WFDC9: variants seen among roughly 807,000 people sequenced by gnomAD.
The protein encoded by WFDC9 is WAP four-disulfide core domain 9.
WFDC9 carries 9 observed loss-of-function variants against 9.5 expected under a neutral mutation model. The observed-to-expected ratio is 0.95, with a 90% confidence interval of 0.57 to 1.65. The LOEUF (loss-of-function observed/expected upper bound fraction) is 1.65. Among genes scored for constraint, WFDC9 ranks in the 40% most tolerant of loss-of-function variants. The pLI, the probability that WFDC9 is intolerant of heterozygous loss-of-function variation, is 0.00. For missense variants in WFDC9, 87 were observed against 106.7 expected (o/e 0.82, Z 0.81); for synonymous variants, 33 against 32.3 (o/e 1.02, Z -0.07).
In WFDC9 at chr20:45,608,573, G is replaced by A. The variant is rs945462360; in HGVS notation, c.239+90C>T. 6.1e-6 allele frequency: 9 copies of A among 1,474,304 alleles called. No individual in the cohort carries two copies. The Admixed American group carries it at 2.0e-4, about 32-fold the overall frequency. The allele number at this position is 1,474,304 out of a possible 1,614,324, so 91.3% of individuals were successfully genotyped here. ...TTTTGCTGCCTATTTCTTTAACCAG[G>A]ATTTGGGTGGCTGCGGTCTTTTGAA... On this transcript the variant is annotated intron_variant, in intron 4 of 4. Transcript: ENST00000326000.
chr20:45,622,836 A>G (rs1403209134), intron 1 of WFDC9, among the ~76,000 whole-genome samples: 2 of 152,212 alleles, frequency 1.3e-5, no homozygotes, highest in Non-Finnish European at 2.9e-5. Context: ...GTGCAGAAAC[A>G]TTTCATGTAA....
chr20:45,630,595 T>C (rs1982339399), intron 1 of WFDC9, among the ~76,000 whole-genome samples: 1 of 152,054 alleles, frequency 6.6e-6, no homozygotes, highest in African/African-American at 2.4e-5. Context: ...CCATGACTAG[T>C]AAGGGAGATG....
chr20:45,610,287 G>A lies in WFDC9; in HGVS notation c.-58-48C>T, dbSNP rs535995186. On this transcript the variant is annotated intron_variant, in intron 2 of 4. Coordinates refer to ENST00000326000, the MANE Select transcript of WFDC9 (RefSeq NM_147198.4). ...TGAGGAGAACAGGGTAAGCAACAGG[G>A]GTAAAGTGCTTATGACTATCATGTT... 4.6e-5 allele frequency: 42 copies of A among 910,904 alleles called. 1 individual carries two copies. The South Asian group carries it at 5.1e-4, about 11-fold the overall frequency. 56.4% of individuals were successfully genotyped at this position (910,904 alleles called of 1,614,324 possible).
At chr20:45,623,708 T>C (rs1280204359) in intron 1 of WFDC9, among the ~76,000 whole-genome samples, 1 of 152,222 alleles carries the variant, frequency 6.6e-6, no homozygotes, top group Non-Finnish European at 1.5e-5. Flanking sequence ...ATATGTATAA[T>C]GTATAGTGAT....
At chr20:45,629,829 C>G (rs758356535) in intron 1 of WFDC9, 1 of 1,613,930 alleles carries the variant, frequency 6.2e-7, no homozygotes. Flanking sequence ...ACCCCAGACT[C>G]TGCTGCCTGT....
At chr20:45,625,776 G>A (rs1021376607) in intron 1 of WFDC9, among the ~76,000 whole-genome samples, 4 of 135,220 alleles carry the variant, frequency 3.0e-5, no homozygotes, top group Non-Finnish European at 6.3e-5. Context: ...GTTGGCTATC[G>A]ACGCATGGAT....
At chr20:45,615,309 A>T (rs140038554) in intron 1 of WFDC9, among the ~76,000 whole-genome samples, 76 of 152,308 alleles carry the variant, frequency 5.0e-4, no homozygotes, top group African/African-American at 1.8e-3. Flanking sequence ...GAAGGGCATT[A>T]TATTGGGCAC....
intron 1 of WFDC9, among the ~76,000 whole-genome samples, chr20:45,622,611 CAGTT>C (rs946827368): frequency 9.2e-5 from 14 of 152,226 alleles, no homozygotes; most frequent in Admixed American, 9.2e-4. Flanking sequence ...ATTTGAGAGT[CAGTT>C]ACTTAATGGT....
chr20:45,610,388 T>C, intron 2 of WFDC9, 149 bp from the exon 3 acceptor site: 1 of 461,882 alleles, frequency 2.2e-6, no homozygotes, highest in Non-Finnish European at 3.8e-6. Flanking sequence ...AGGTTTCTTC[T>C]CATCTCATAT....
chr20:45,631,191 C>A lies in WFDC9; in HGVS notation c.-153+12G>T. On this transcript the variant is annotated intron_variant, in intron 1 of 4. Coordinates refer to ENST00000326000, the MANE Select transcript of WFDC9 (RefSeq NM_147198.4). ...TGTCAAATAAACCAGAACAAATGCC[C>A]AGGGATCCTACCTCTTTTGCTGCCA... 2 of 637,536 alleles carry A rather than the reference C, an allele frequency of 3.1e-6. No individual in the cohort carries two copies. The highest frequency in any genetic ancestry group is 4.7e-6 in the Non-Finnish European group (2 of 429,882). The allele number at this position is 637,536 out of a possible 1,614,324, so 39.5% of individuals were successfully genotyped here.
At chr20:45,609,988 A>C (rs1981824263) in intron 3 of WFDC9, 103 bp downstream of exon 3, 2 of 856,782 alleles carry the variant, frequency 2.3e-6, no homozygotes, top group East Asian at 5.1e-5. Context: ...CTACTTAAGG[A>C]GAGATCCTTT....
At chr20:45,617,486 A>G (rs1981997975) in intron 1 of WFDC9, among the ~76,000 whole-genome samples, 1 of 152,064 alleles carries the variant, frequency 6.6e-6, no homozygotes, top group Non-Finnish European at 1.5e-5. Context: ...TCCATGTATA[A>G]CTTTTGACTT....
At chr20:45,616,030 G>A (rs78920039) in intron 1 of WFDC9, among the ~76,000 whole-genome samples, 276 of 135,556 alleles carry the variant, frequency 2.0e-3, no homozygotes, top group South Asian at 2.8e-3. Context: ...GGTTGGGGTA[G>A]CTGTGGCAAT....
chr20:45,624,538 A>G (rs1982174661), intron 1 of WFDC9, among the ~76,000 whole-genome samples: 1 of 152,168 alleles, frequency 6.6e-6, no homozygotes, highest in Non-Finnish European at 1.5e-5. Context: ...GGGGGTACAT[A>G]TGTTGATATG....
intron 4 of WFDC9, among the ~76,000 whole-genome samples, 180 bp from the exon 5 acceptor site, chr20:45,608,320 G>C (rs1277475596): frequency 2.0e-5 from 3 of 152,136 alleles, no homozygotes; most frequent in Admixed American, 6.6e-5. Flanking sequence ...TAGATACCAG[G>C]TCTCCTTGGG....
intron 1 of WFDC9, among the ~76,000 whole-genome samples, chr20:45,623,435 T>G (rs1982145106): frequency 6.6e-6 from 1 of 151,388 alleles, no homozygotes; most frequent in South Asian, 2.1e-4. Flanking sequence ...AGGTCAGGAG[T>G]GGCCAACATG....
chr20:45,627,829 A>G (rs896257672), intron 1 of WFDC9, among the ~76,000 whole-genome samples: 1 of 152,184 alleles, frequency 6.6e-6, no homozygotes, highest in Non-Finnish European at 1.5e-5. Context: ...ATAGTCTGAA[A>G]CTATGTCCTT....
At chr20:45,629,557 T>C in intron 1 of WFDC9, 1 of 346,436 alleles carries the variant, frequency 2.9e-6, no homozygotes. Context: ...TTTCATTCTA[T>C]CGGCAAGAAC....
chr20:45,615,932 G>A (rs1312174958), intron 1 of WFDC9, among the ~76,000 whole-genome samples: 1 of 152,176 alleles, frequency 6.6e-6, no homozygotes, highest in African/African-American at 2.4e-5. Context: ...GATTATCTGA[G>A]CCTTCAACAA....
Sources: allele counts gnomAD v4.1 joint callset (sites outside exome capture counted in the v4.1 genomes callset), GRCh38; gene constraint gnomAD v4.1.1; transcripts MANE v1.5; gene names NCBI Gene and HGNC (gene_info 2026-07-23, HGNC 2026-07-21).